The following CTTN variants were observed in gnomAD, a reference collection of about 807,000 sequenced individuals.
The protein encoded by CTTN is src substrate cortactin.
Under a neutral mutation model 84.0 loss-of-function variants are expected in CTTN, and 28 were observed. The ratio of observed to expected loss-of-function variants is 0.33; its 90% CI spans 0.25 to 0.46. The LOEUF (loss-of-function observed/expected upper bound fraction) is 0.46, where lower values mean the gene tolerates loss of function less well. Ranked by LOEUF, CTTN falls within the 20% of genes least tolerant of loss-of-function variation. CTTN has a pLI of 1.00. For missense variants in CTTN, 641 were observed against 723.8 expected (o/e 0.89, Z 1.31); for synonymous variants, 301 against 288.8 (o/e 1.04, Z -0.43).
chr11:70,432,984 C>T, intron 15 of CTTN, 117 bp from the exon 16 acceptor site: 5 of 1,142,020 alleles, frequency 4.4e-6, no homozygotes, highest in Non-Finnish European at 6.3e-6. Context: ...TTTTCTCAGT[C>T]CTGGCTGGGA....
chr11:70,407,682 C>G (rs2135554637), intron 4 of CTTN, 91 bp downstream of exon 4: 1 of 1,195,318 alleles, frequency 8.4e-7, no homozygotes, highest in East Asian at 2.4e-5. Context: ...GGAGGGACAG[C>G]CCGTGTGGAA....
chr11:70,420,471 G>A lies in CTTN; in HGVS notation c.751G>A (p.Asp251Asn), dbSNP rs773621182. Residue 251 changes from aspartate to asparagine, a missense_variant, in exon 10 of 18, where the codon GAT (aspartate) becomes AAT (asparagine). Around this residue, in one of 3 missense-constraint regions of CTTN, gnomAD observed 284 missense variants for 348.4 expected, o/e 0.82. Coordinates refer to ENST00000301843, the MANE Select transcript of CTTN (RefSeq NM_005231.4). ...ACAAGACAAATGTGCCCTTGGCTGG[G>A]ATCACCAGGAGAAATTGCAGCTGCA... ...DRQDKCALGW[D>N]HQEKLQLHES... 6.2e-7 allele frequency: 1 copy of A among 1,614,196 alleles called. No individual in the cohort carries two copies. Among genetic ancestry groups the A allele is most frequent in the South Asian group, 1.1e-5 (1 of 91,088 alleles).
intron 8 of CTTN, among the ~76,000 whole-genome samples, chr11:70,417,822 G>T (rs1414376754): frequency 6.6e-6 from 1 of 152,170 alleles, no homozygotes; most frequent in Non-Finnish European, 1.5e-5. Flanking sequence ...GAACATTCTT[G>T]TACCTGTGTT....
At position 70,420,406 on chromosome 11, in the gene CTTN, T is replaced by G; in HGVS notation, c.686T>G (p.Val229Gly). 6.2e-7 allele frequency: 1 copy of G among 1,613,236 alleles called. No homozygotes were observed. Among genetic ancestry groups the G allele is most frequent in the Non-Finnish European group, 8.5e-7 (1 of 1,179,142 alleles). The change falls in exon 10 of 18, where the codon GTG becomes GGG. Residue 229 changes from valine to glycine, a missense_variant. Around this residue, in one of 3 missense-constraint regions of CTTN, gnomAD observed 284 missense variants for 348.4 expected, o/e 0.82. Coordinates refer to ENST00000301843, the MANE Select transcript of CTTN (RefSeq NM_005231.4). ...TEKHESQKDY[V>G]KGFGGKFGVQ... ...CCTTTCATTGTGCATGTAGACTATG[T>G]GAAAGGGTTTGGAGGAAAATTTGGT... is the stretch of plus-strand genomic sequence containing the variant.
chr11:70,436,004 G>T lies in CTTN; in HGVS notation c.*842G>T. The T allele has an allele frequency of 7.0e-7, 1 of 1,427,700 alleles. No individual in the cohort carries two copies. Among genetic ancestry groups the T allele is most frequent in the South Asian group, 1.5e-5 (1 of 65,468 alleles). 88.4% of individuals were successfully genotyped at this position (1,427,700 alleles called of 1,614,324 possible). A position where few individuals can be genotyped will look rare whatever the true frequency, so the allele number is the denominator to read the frequency against. On this transcript the variant is annotated 3_prime_UTR_variant, in exon 18 of 18. Transcript: ENST00000301843. ...TTAACTGTCACCCATATGGTCCCTG[G>T]GCCACCGGGCAGCCTGGGGCGGTGT...
chr11:70,434,179 A>AGCCTCAGCTCCTGGGCTG (rs746435110), intron 17 of CTTN, among the ~76,000 whole-genome samples: 1 of 152,188 alleles, frequency 6.6e-6, no homozygotes, highest in African/African-American at 2.4e-5. Flanking sequence ...GTTTAAGAGC[A>AGCCTCAGCTCCTGGGCTG]GCCTCAGCTC....
intron 5 of CTTN, among the ~76,000 whole-genome samples, chr11:70,412,827 G>A (rs1049921746): frequency 2.0e-5 from 3 of 152,200 alleles, no homozygotes; most frequent in Admixed American, 6.5e-5. Context: ...ATGTGAAATC[G>A]AAGGCAATTT....
At position 70,417,130 on chromosome 11, in the gene CTTN, C is replaced by T. The variant is rs201218623; in HGVS notation, c.568+7C>T. The T allele has an allele frequency of 1.9e-4, 298 of 1,602,418 alleles. No homozygotes were observed. The African/African-American group carries it at 2.9e-3, about 16-fold the overall frequency. The stretch of plus-strand genomic sequence containing the variant: ...AAGCACGAGTCACAGAGAGGTGGGG[C>T]GGACCCCACGGTCTGTAATCACGCG... On this transcript the variant is annotated splice_region_variant and intron_variant, in intron 8 of 17. Coordinates refer to ENST00000301843, the MANE Select transcript of CTTN (RefSeq NM_005231.4).
intron 8 of CTTN, among the ~76,000 whole-genome samples, chr11:70,418,779 CTTTT>C (rs1222632596): frequency 1.4e-5 from 2 of 140,894 alleles, no homozygotes. Flanking sequence ...TACTTTATTT[CTTTT>C]TTTTTTTTTT....
intron 8 of CTTN, among the ~76,000 whole-genome samples, chr11:70,418,675 TCTG>T (rs2058191891): frequency 6.6e-6 from 1 of 152,210 alleles, no homozygotes; most frequent in Non-Finnish European, 1.5e-5. Context: ...GCCTTGCCCT[TCTG>T]CTGCCTCCTG....
At chr11:70,425,269 C>CTACCA in intron 12 of CTTN, 63 bp from the exon 13 acceptor site, 1 of 1,331,938 alleles carries the variant, frequency 7.5e-7, no homozygotes, top group East Asian at 2.4e-5. Context: ...CTGGCAGGAG[C>CTACCA]TACCACAGGG....
In CTTN at chr11:70,409,912, C is replaced by T. The variant is rs767880781; in HGVS notation, c.243C>T (p.Ser81=). 2 of 1,614,056 alleles carry T rather than the reference C, an allele frequency of 1.2e-6. No individual in the cohort carries two copies. The highest frequency in any genetic ancestry group is 1.7e-6 in the Non-Finnish European group (2 of 1,180,000). Residue 81 remains serine, a synonymous_variant, in exon 5 of 18, where the codon TCC becomes TCT. Transcript: ENST00000301843. ...AACTTGAAACAGGACCAAAAGCTTCCCATGGCTATGGAGGGAAATTTGGTG... is the reference window on the plus strand; with the variant it reads ...AACTTGAAACAGGACCAAAAGCTTCTCATGGCTATGGAGGGAAATTTGGTG... ...EKELETGPKA[S]HGYGGKFGVE...
chr11:70,429,301 G>T, intron 14 of CTTN, 102 bp downstream of exon 14: 2 of 1,367,348 alleles, frequency 1.5e-6, no homozygotes, highest in Non-Finnish European at 2.0e-6. Context: ...TCCTGGCCAG[G>T]TTTTCCTTGG....
chr11:70,405,880 C>T (rs2058036406), intron 2 of CTTN, among the ~76,000 whole-genome samples: 1 of 152,240 alleles, frequency 6.6e-6, no homozygotes, highest in Non-Finnish European at 1.5e-5. Context: ...GTGGTGGGAA[C>T]CATGGGCAGC....
chr11:70,433,766 C>T (rs936767790), intron 17 of CTTN, 48 bp downstream of exon 17: 8 of 1,173,406 alleles, frequency 6.8e-6, no homozygotes, highest in Non-Finnish European at 1.0e-5. Flanking sequence ...GGCAGCTGCG[C>T]CTGCCTCTGC....
chr11:70,428,153 CTTTTTTTTTTTTTTTTTT>C (rs60189081), intron 13 of CTTN, among the ~76,000 whole-genome samples: 4 of 62,620 alleles, frequency 6.4e-5, no homozygotes, highest in South Asian at 2.5e-3. Context: ...TGTCTTCCCA[CTTTTTTTTTTTTTTTTTT>C]TTTTTTTTTT....
At chr11:70,422,881 C>G in intron 11 of CTTN, 59 bp from the exon 12 acceptor site, 1 of 1,612,332 alleles carries the variant, frequency 6.2e-7, no homozygotes. Flanking sequence ...CATGCACCCA[C>G]GGCCACCCCC....
At chr11:70,434,952 TG>T in intron 17 of CTTN, 73 bp from the exon 18 acceptor site, 1 of 1,541,758 alleles carries the variant, frequency 6.5e-7, no homozygotes, top group Non-Finnish European at 8.9e-7. Flanking sequence ...GAGCTTGCTC[TG>T]GGTTGTGCTT....
At position 70,420,394 on chromosome 11, in the gene CTTN, A is replaced by C; in HGVS notation, c.680-6A>C. 2 of 1,600,660 alleles carry C rather than the reference A, an allele frequency of 1.2e-6. No individual in the cohort carries two copies. ...GATGGGTTCTGGCCTTTCATTGTGC[A>C]TGTAGACTATGTGAAAGGGTTTGGA... On this transcript the variant is annotated splice_polypyrimidine_tract_variant and splice_region_variant and intron_variant, in intron 9 of 17. Coordinates refer to ENST00000301843, the MANE Select transcript of CTTN (RefSeq NM_005231.4).
Sources: allele counts gnomAD v4.1 joint callset (sites outside exome capture counted in the v4.1 genomes callset), GRCh38; gene constraint gnomAD v4.1.1; regional missense constraint gnomAD v4.1.1; transcripts MANE v1.5; gene names NCBI Gene and HGNC (gene_info 2026-07-23, HGNC 2026-07-21).